CDH4: variants seen among roughly 807,000 people sequenced by gnomAD.
The protein encoded by CDH4 is cadherin-4.
CDH4 carries 33 observed loss-of-function variants against 86.0 expected under a neutral mutation model. That is an observed-to-expected ratio of 0.38 (90% confidence interval 0.29 to 0.51). CDH4 has a LOEUF of 0.51. Among genes scored for constraint, CDH4 ranks in the 20% least tolerant of loss-of-function variants. The pLI is 0.86. For synonymous variants in CDH4, 555 were observed against 549.4 expected (o/e 1.01, Z -0.14); for missense variants, 1,114 against 1,307.4 (o/e 0.85, Z 2.28).
At chr20:61,653,640 C>T (rs1329599979) in intron 2 of CDH4, among the ~76,000 whole-genome samples, 44 of 97,362 alleles carry the variant, frequency 4.5e-4, no homozygotes, top group Non-Finnish European at 7.6e-4. Flanking sequence ...GGGTGGCTGC[C>T]GGGCTGAGGG....
At chr20:61,733,790 C>T (rs147552738) in intron 2 of CDH4, among the ~76,000 whole-genome samples, 1 of 152,308 alleles carries the variant, frequency 6.6e-6, no homozygotes, top group Admixed American at 6.5e-5. Context: ...TGAAACTCAC[C>T]CTCTCCTCAG....
rs781389267 is a variant in CDH4, at chr20:61,879,352, G to A, written c.1050+5452G>A. 7.9e-5 allele frequency among the ~76,000 whole-genome samples: 12 copies of A among 152,108 alleles called. No individual in the cohort carries two copies. The highest frequency in any genetic ancestry group is 2.0e-4 in the Admixed American group (3 of 15,276). On this transcript the variant is annotated intron_variant, in intron 7 of 15. Coordinates refer to ENST00000614565, the MANE Select transcript of CDH4 (RefSeq NM_001794.5). This position sits in a 1 kb window ranked among gnomAD's most constrained non-coding sequence, Gnocchi z 4.1. ...CAGCCACTTCTGAAAAGGACACATC[G>A]GTAGTTCCTTTTTCTCTTCCTCCCC...
chr20:61,337,323 TG>T (rs2084624042), intron 2 of CDH4, among the ~76,000 whole-genome samples: 2 of 70 alleles, frequency 0.029, no homozygotes, highest in African/African-American at 0.042. Flanking sequence ...ATAATAATGA[TG>T]GTGATGATAA....
intron 2 of CDH4, among the ~76,000 whole-genome samples, chr20:61,639,815 A>G (rs2086986560): frequency 6.6e-6 from 1 of 152,074 alleles, no homozygotes; most frequent in African/African-American, 2.4e-5. Flanking sequence ...CTGGCCGATT[A>G]TTTTATGTCC....
In CDH4 at chr20:61,684,535, T is replaced by TC; in HGVS notation, c.170-59026dup. On this transcript the variant is annotated intron_variant, in intron 2 of 15. Transcript: ENST00000614565. The surrounding 1 kb of genome is among the most constrained non-coding windows in gnomAD (Gnocchi z 4.5). ...CGCCTGTTCCATATCACACACAAGG[T>TC]CCAGCCCCCTGTGTTGTTCTGCAGC... Among the ~76,000 whole-genome samples, 1 of 152,242 alleles carries TC rather than the reference T, an allele frequency of 6.6e-6. No individual in the cohort carries two copies. Among genetic ancestry groups the TC allele is most frequent in the Admixed American group, 6.5e-5 (1 of 15,292 alleles).
intron 2 of CDH4, among the ~76,000 whole-genome samples, chr20:61,439,239 G>GTGCTGCAGTGTGCGTTTCA (rs2085301835): frequency 1.3e-5 from 2 of 152,112 alleles, no homozygotes; most frequent in Admixed American, 6.5e-5. Context: ...TGTGCGTTTT[G>GTGCTGCAGTGTGCGTTTCA]GTTGTGCTGC....
rs199944591 is a variant in CDH4 at position 61,936,757 on chromosome 20, C to T, written c.2565C>T (p.Asn855=). The stretch of plus-strand genomic sequence containing the variant: ...CCCAGGGACTCCGCGCTGCTGACAA[C>T]GACCCCACGGCACCCCCCTATGACT... ...FINEGLRAAD[N]DPTAPPYDSL... The change falls in exon 16 of 16, where the codon AAC becomes AAT. Residue 855 remains asparagine (N), a synonymous_variant. Coordinates refer to ENST00000614565, the MANE Select transcript of CDH4 (RefSeq NM_001794.5). 2.5e-6 allele frequency: 4 copies of T among 1,603,350 alleles called. No homozygotes were observed. The African/African-American group carries it at 4.0e-5, about 16-fold the overall frequency.
At chr20:61,728,327 G>T (rs1252878545) in intron 2 of CDH4, among the ~76,000 whole-genome samples, 1 of 152,228 alleles carries the variant, frequency 6.6e-6, no homozygotes, top group Non-Finnish European at 1.5e-5. Flanking sequence ...GAGCAGGGTG[G>T]TGGAAGATCA....
intron 2 of CDH4, among the ~76,000 whole-genome samples, chr20:61,541,521 C>G (rs1466450861): frequency 1.3e-5 from 2 of 152,190 alleles, no homozygotes; most frequent in Non-Finnish European, 2.9e-5. Context: ...TGTCCACCAT[C>G]TAGAATTAGC....
rs368897477 is a variant in CDH4 at position 61,625,887 on chromosome 20, G to C, written c.170-117676G>C. 2.7e-4 allele frequency among the ~76,000 whole-genome samples: 41 copies of C among 152,372 alleles called. No individual in the cohort carries two copies. The South Asian group carries it at 8.3e-3, about 31-fold the overall frequency. ...ATAGCTGAGCTATCACTTGGCCCGA[G>C]TTTTCCATTCGCACATCATGTAACC... On this transcript the variant is annotated intron_variant, in intron 2 of 15. Transcript: ENST00000614565.
chr20:61,751,721 C>T (rs1374338995), intron 3 of CDH4, among the ~76,000 whole-genome samples: 1 of 152,162 alleles, frequency 6.6e-6, no homozygotes, highest in Non-Finnish European at 1.5e-5. Context: ...TCAATTTTGC[C>T]CCTTAACCTG....
At chr20:61,388,318 CT>C (rs2084963333) in intron 2 of CDH4, among the ~76,000 whole-genome samples, 1 of 152,152 alleles carries the variant, frequency 6.6e-6, no homozygotes, top group African/African-American at 2.4e-5. Context: ...CACTTTTCGC[CT>C]TTCCTGGAAG....
At chr20:61,855,608 C>T (rs1192008917) in intron 6 of CDH4, among the ~76,000 whole-genome samples, 2 of 152,228 alleles carry the variant, frequency 1.3e-5, no homozygotes. Flanking sequence ...CAAATCAAAC[C>T]TCCCGTGTCT....
At chr20:61,514,403 A>G (rs913827969) in intron 2 of CDH4, among the ~76,000 whole-genome samples, 2 of 139,848 alleles carry the variant, frequency 1.4e-5, no homozygotes, top group African/African-American at 2.7e-5. Flanking sequence ...AAAACAGTTC[A>G]GGGATGTAGA....
At chr20:61,608,815 C>G (rs902342898) in intron 2 of CDH4, among the ~76,000 whole-genome samples, 17 of 152,164 alleles carry the variant, frequency 1.1e-4, no homozygotes, top group African/African-American at 4.1e-4. Flanking sequence ...TGTGATCAGC[C>G]AAACGCGGGG....
intron 2 of CDH4, among the ~76,000 whole-genome samples, chr20:61,301,729 G>A (rs1365845380): frequency 6.6e-6 from 1 of 152,172 alleles, no homozygotes; most frequent in Non-Finnish European, 1.5e-5. Flanking sequence ...GGGGAGACAG[G>A]AAGCCTGATG....
intron 3 of CDH4, among the ~76,000 whole-genome samples, chr20:61,758,910 G>A (rs1463188490): frequency 6.6e-6 from 1 of 152,140 alleles, no homozygotes; most frequent in Non-Finnish European, 1.5e-5. Context: ...GACTAGAGCT[G>A]GTGTGTGTGT....
intron 5 of CDH4, among the ~76,000 whole-genome samples, chr20:61,851,428 CT>C (rs949533678): frequency 2.6e-4 from 39 of 152,344 alleles, no homozygotes; most frequent in African/African-American, 8.2e-4. Flanking sequence ...CAGGGCCCCC[CT>C]GATCCCCTGA....
intron 2 of CDH4, among the ~76,000 whole-genome samples, chr20:61,606,447 C>T (rs904219909): frequency 3.3e-5 from 5 of 152,230 alleles, no homozygotes; most frequent in African/African-American, 9.6e-5. Context: ...CCCAGGCTGA[C>T]TCCAGAGCTC....
Sources: allele counts gnomAD v4.1 joint callset (sites outside exome capture counted in the v4.1 genomes callset), GRCh38; gene constraint gnomAD v4.1.1; non-coding constraint Gnocchi (gnomAD v3.1); transcripts MANE v1.5; gene names NCBI Gene and HGNC (gene_info 2026-07-23, HGNC 2026-07-21).